The following PIK3C2G variants were observed in gnomAD, a reference collection of about 807,000 sequenced individuals.
PIK3C2G encodes the protein phosphatidylinositol-4-phosphate 3-kinase catalytic subunit type 2 gamma, also known as phosphatidylinositol 3-kinase C2 domain-containing subunit gamma.
PIK3C2G carries 168 observed loss-of-function variants against 181.1 expected under a neutral mutation model. The ratio of observed to expected loss-of-function variants is 0.93; its 90% CI spans 0.82 to 1.05. The LOEUF is 1.05. Ranked by LOEUF, PIK3C2G falls within the 50% of genes least tolerant of loss-of-function variation. The probability of loss-of-function intolerance (pLI) is 0.00; values close to 1 mark genes in which losing one functional copy is unlikely to be tolerated. For missense variants in PIK3C2G, 1,869 were observed against 1,732.8 expected (o/e 1.08, Z -1.40); for synonymous variants, 573 against 592.2 (o/e 0.97, Z 0.47).
At chr12:18,627,606 G>A (rs1165172317) in intron 31 of PIK3C2G, among the ~76,000 whole-genome samples, 1 of 152,112 alleles carries the variant, frequency 6.6e-6, no homozygotes, top group Non-Finnish European at 1.5e-5. Flanking sequence ...CCATCTTGCT[G>A]ACATCACTCC....
downstream of PIK3C2G, among the ~76,000 whole-genome samples, chr12:18,652,016 A>G (rs1950541066): frequency 6.6e-6 from 1 of 152,184 alleles, no homozygotes; most frequent in Non-Finnish European, 1.5e-5. Flanking sequence ...AGAATAAAAC[A>G]TATTTTCTTT....
the PIK3C2G span, chr12:18,723,496 C>G: frequency 1.9e-6 from 3 of 1,612,742 alleles, no homozygotes; most frequent in Non-Finnish European, 2.5e-6. Context: ...ATAAATTGCT[C>G]TAAATTCTTC....
intron 5 of PIK3C2G, among the ~76,000 whole-genome samples, chr12:18,309,511 A>G (rs1464636721): frequency 6.6e-6 from 1 of 151,846 alleles, no homozygotes; most frequent in East Asian, 1.9e-4. Flanking sequence ...GTTTGCCTGT[A>G]ATTCTCTCAT....
At chr12:18,617,289 G>A (rs1292687041) in intron 31 of PIK3C2G, among the ~76,000 whole-genome samples, 3 of 152,050 alleles carry the variant, frequency 2.0e-5, no homozygotes, top group East Asian at 3.9e-4. Context: ...AAATAAACAC[G>A]TGATACATTC....
chr12:18,615,844 T>C (rs1303499992), intron 31 of PIK3C2G, among the ~76,000 whole-genome samples: 8 of 152,236 alleles, frequency 5.3e-5, no homozygotes, highest in East Asian at 3.9e-4. Context: ...CATTTTACTA[T>C]ATCAATAAAA....
At chr12:18,500,161 G>C (rs1254407775) in intron 22 of PIK3C2G, among the ~76,000 whole-genome samples, 2 of 152,290 alleles carry the variant, frequency 1.3e-5, no homozygotes, top group East Asian at 3.9e-4. Context: ...AGGCGCGGCC[G>C]GGAACCGGGC....
At chr12:18,404,759 T>G in intron 16 of PIK3C2G, among the ~76,000 whole-genome samples, 1 of 152,130 alleles carries the variant, frequency 6.6e-6, no homozygotes, top group African/African-American at 2.4e-5. Context: ...CTGAGCCAGG[T>G]AGGTACTATG....
chr12:18,563,408 A>G lies in PIK3C2G; in HGVS notation c.3812A>G (p.Asn1271Ser), dbSNP rs559776948. Residue 1271 changes from asparagine to serine, a missense_variant, in exon 28 of 33, where the codon AAC becomes AGC. Asn to Ser is a conservative substitution (Grantham distance 46, BLOSUM62 1). Transcript: ENST00000538779. ...LYLIQVTHSNNETSLTEKSFE... is the reference protein window; with the variant it reads ...LYLIQVTHSNSETSLTEKSFE... ...CTGATCCAGGTGACACACAGCAACA[A>G]CGAAACAAGCCTGACAGAAAAATCA... is the stretch of plus-strand genomic sequence containing the variant. 1 of 1,613,432 alleles carries G rather than the reference A, an allele frequency of 6.2e-7. No individual in the cohort carries two copies. Among genetic ancestry groups the G allele is most frequent in the Non-Finnish European group, 8.5e-7 (1 of 1,179,574 alleles).
chr12:18,712,968 G>T, the PIK3C2G span: 5 of 1,613,732 alleles, frequency 3.1e-6, no homozygotes, highest in East Asian at 1.1e-4. Context: ...CCAAACAACG[G>T]CATCCTTTCA....
intron 24 of PIK3C2G, among the ~76,000 whole-genome samples, chr12:18,516,832 C>G (rs1004458054): frequency 1.3e-5 from 2 of 151,566 alleles, no homozygotes; most frequent in African/African-American, 4.9e-5. Flanking sequence ...GTTCCTCTGT[C>G]TTTGTCAAAT....
intron 25 of PIK3C2G, 111 bp downstream of exon 25, chr12:18,538,423 G>C (rs1943976916): frequency 1.2e-6 from 1 of 843,970 alleles, no homozygotes; most frequent in Admixed American, 2.8e-5. Context: ...ATTCGGAAGA[G>C]AAAGGAATGA....
chr12:18,459,087 G>T (rs1172478443), intron 18 of PIK3C2G, among the ~76,000 whole-genome samples: 1 of 152,042 alleles, frequency 6.6e-6, no homozygotes, highest in African/African-American at 2.4e-5. Flanking sequence ...AAGTAGCCAT[G>T]GTTTTAAGCC....
chr12:18,645,736 A>T (rs1950092515), intron 32 of PIK3C2G, among the ~76,000 whole-genome samples: 1 of 152,184 alleles, frequency 6.6e-6, no homozygotes, highest in African/African-American at 2.4e-5. Context: ...AAAGGTAAGG[A>T]TTATTATCAT....
At chr12:18,354,813 T>A (rs891082536) in intron 11 of PIK3C2G, among the ~76,000 whole-genome samples, 2 of 152,160 alleles carry the variant, frequency 1.3e-5, no homozygotes, top group African/African-American at 4.8e-5. Context: ...GAAATAGGTA[T>A]CCCTCATTTC....
upstream of PIK3C2G, among the ~76,000 whole-genome samples, chr12:18,247,442 C>A (rs1378983662): frequency 2.0e-5 from 3 of 152,000 alleles, no homozygotes; most frequent in Non-Finnish European, 4.4e-5. Context: ...GTTTAATCTG[C>A]AGAAGAGAAA....
intron 18 of PIK3C2G, among the ~76,000 whole-genome samples, chr12:18,487,096 TTGTG>T (rs35440588): frequency 0.026 from 3,637 of 142,182 alleles, 74 homozygotes; most frequent in African/African-American, 0.05. Flanking sequence ...TTGAGGTATT[TTGTG>T]TGTGTGTGTG....
the PIK3C2G span, among the ~76,000 whole-genome samples, chr12:18,718,081 C>G: frequency 6.6e-6 from 1 of 152,024 alleles, no homozygotes; most frequent in Admixed American, 6.6e-5. Context: ...TATGATTTAG[C>G]CTCACTGTAA....
chr12:18,346,858 AC>A (rs1364197360), intron 11 of PIK3C2G, 22 bp downstream of exon 11: 2 of 1,512,454 alleles, frequency 1.3e-6, no homozygotes. Context: ...TGAGTTTTTC[AC>A]AAAAGCATTC....
intron 32 of PIK3C2G, among the ~76,000 whole-genome samples, chr12:18,646,795 A>G (rs1261975478): frequency 1.3e-5 from 2 of 152,112 alleles, no homozygotes; most frequent in African/African-American, 2.4e-5. Context: ...TTCATGATAA[A>G]TAACTAATTT....
Sources: allele counts gnomAD v4.1 joint callset (sites outside exome capture counted in the v4.1 genomes callset), GRCh38; gene constraint gnomAD v4.1.1; transcripts MANE v1.5; gene names NCBI Gene and HGNC (gene_info 2026-07-23, HGNC 2026-07-21).